Variants in TUSC3 observed in about 807,000 individuals in gnomAD.
TUSC3 encodes dolichyl-diphosphooligosaccharide--protein glycosyltransferase subunit TUSC3.
Under a neutral mutation model 44.8 loss-of-function variants are expected in TUSC3, and 45 were observed. The observed-to-expected ratio is 1.00, with a 90% CI of 0.79 to 1.29. TUSC3 has a LOEUF of 1.29. Among genes scored for constraint, TUSC3 ranks in the 50% most tolerant of loss-of-function variants. The pLI, the probability that TUSC3 is intolerant of heterozygous loss-of-function variation, is 0.00. For synonymous variants in TUSC3, 212 were observed against 152.9 expected (o/e 1.39, Z -2.85); for missense variants, 519 against 437.9 (o/e 1.19, Z -1.65).
intron 1 of TUSC3, among the ~76,000 whole-genome samples, chr8:15,438,731 A>C (rs1799982860): frequency 6.6e-6 from 1 of 152,186 alleles, no homozygotes; most frequent in South Asian, 2.1e-4. Context: ...ATAGGACTTC[A>C]TTTAGTGCAA....
the TUSC3 span, among the ~76,000 whole-genome samples, chr8:15,842,180 A>G: frequency 1.3e-5 from 2 of 152,204 alleles, no homozygotes; most frequent in African/African-American, 4.8e-5. Flanking sequence ...CAAAACAGAT[A>G]GAATCACTCC....
intron 6 of TUSC3, among the ~76,000 whole-genome samples, chr8:15,713,936 G>T (rs189977744): frequency 1.3e-5 from 2 of 152,090 alleles, no homozygotes; most frequent in African/African-American, 4.8e-5. Flanking sequence ...ATTCACAACC[G>T]TGGCCTCATT....
chr8:15,620,317 A>C (rs1028028053), intron 1 of TUSC3, among the ~76,000 whole-genome samples: 3 of 152,236 alleles, frequency 2.0e-5, no homozygotes, highest in Non-Finnish European at 4.4e-5. Context: ...GATTGATGCA[A>C]AATGATGGGA....
the TUSC3 span, among the ~76,000 whole-genome samples, chr8:15,846,628 G>A: frequency 5.2e-3 from 794 of 152,096 alleles, 2 homozygotes; most frequent in African/African-American, 0.018. Context: ...AACACCACAC[G>A]TTCTCACTCA....
intron 1 of TUSC3, among the ~76,000 whole-genome samples, chr8:15,552,391 C>G (rs1802088708): frequency 6.6e-6 from 1 of 151,666 alleles, no homozygotes; most frequent in African/African-American, 2.4e-5. Flanking sequence ...CGGATATATC[C>G]TACTGCTCAT....
chr8:15,740,681 A>T (rs1470994360), intron 7 of TUSC3, among the ~76,000 whole-genome samples: 2 of 152,186 alleles, frequency 1.3e-5, no homozygotes, highest in African/African-American at 4.8e-5. Context: ...GAAATGTAAG[A>T]AAACTTGAAC....
At chr8:15,653,918 G>A (rs933628494) in intron 3 of TUSC3, among the ~76,000 whole-genome samples, 9 of 152,112 alleles carry the variant, frequency 5.9e-5, no homozygotes, top group Non-Finnish European at 1.3e-4. Flanking sequence ...GCTTGTTGGG[G>A]ACTCACTGGG....
At chr8:15,737,819 G>T (rs1585285354) in intron 7 of TUSC3, among the ~76,000 whole-genome samples, 1 of 152,224 alleles carries the variant, frequency 6.6e-6, no homozygotes, top group East Asian at 1.9e-4. Flanking sequence ...TGCCACGTAA[G>T]AACAGTGAGA....
chr8:15,780,635 C>G, the TUSC3 span, among the ~76,000 whole-genome samples: 1 of 152,212 alleles, frequency 6.6e-6, no homozygotes, highest in Non-Finnish European at 1.5e-5. Flanking sequence ...ATGTGGCCAA[C>G]TAGCCTTAGA....
chr8:15,727,229 G>A (rs1810530995), intron 6 of TUSC3, among the ~76,000 whole-genome samples: 1 of 152,086 alleles, frequency 6.6e-6, no homozygotes, highest in African/African-American at 2.4e-5. Context: ...AGTCATTGCT[G>A]CAGGGGCCCC....
chr8:15,825,425 A>G, the TUSC3 span, among the ~76,000 whole-genome samples: 1 of 152,114 alleles, frequency 6.6e-6, no homozygotes, highest in African/African-American at 2.4e-5. Flanking sequence ...TATTTTTGTG[A>G]GACTTATTCA....
chr8:15,682,377 TA>T (rs1808462386), intron 6 of TUSC3, among the ~76,000 whole-genome samples: 1 of 152,220 alleles, frequency 6.6e-6, no homozygotes, highest in Non-Finnish European at 1.5e-5. Flanking sequence ...TTAAGATACT[TA>T]AGTCTTCTGG....
rs549386002 is a variant in TUSC3, at chr8:15,417,232, C to G, written n.18C>G. On this transcript the variant is annotated non_coding_transcript_exon_variant, in exon 1 of 6. Transcript: ENST00000503191. ...GGCTGTGTGAAGATCTGCCTCCTTCCTCTTCGGCTTCATGCATGATCGTAA... is the reference window on the plus strand; with the variant it reads ...GGCTGTGTGAAGATCTGCCTCCTTCGTCTTCGGCTTCATGCATGATCGTAA... 23 of 152,562 alleles carry G rather than the reference C, an allele frequency of 1.5e-4. No individual in the cohort carries two copies. The East Asian group carries it at 2.9e-3, about 19-fold the overall frequency. The allele number at this position is 152,562 out of a possible 1,614,324, so 9.5% of individuals were successfully genotyped here. A position where few individuals can be genotyped will look rare whatever the true frequency, so the allele number is the denominator to read the frequency against.
chr8:15,423,062 A>G (rs17121448), intron 1 of TUSC3, among the ~76,000 whole-genome samples: 27,596 of 152,186 alleles, frequency 0.18, 3,127 homozygotes, highest in African/African-American at 0.33. Context: ...AGAAATTTCT[A>G]TCAAAACATG....
At chr8:15,571,372 G>T (rs1217172780) in intron 1 of TUSC3, among the ~76,000 whole-genome samples, 4 of 152,124 alleles carry the variant, frequency 2.6e-5, no homozygotes, top group African/African-American at 7.2e-5. Flanking sequence ...TAAAGAGTTA[G>T]CAAGTTTTTT....
At chr8:15,489,147 G>T (rs1399388586) in intron 2 of TUSC3, among the ~76,000 whole-genome samples, 3 of 152,182 alleles carry the variant, frequency 2.0e-5, no homozygotes, top group Non-Finnish European at 4.4e-5. Flanking sequence ...ATTTTAGAGG[G>T]ACAGAAGCTC....
intron 10 of TUSC3, among the ~76,000 whole-genome samples, chr8:15,761,779 AGTT>A (rs1356269199): frequency 3.9e-5 from 6 of 152,160 alleles, no homozygotes; most frequent in African/African-American, 1.4e-4. Flanking sequence ...CATTATTGAC[AGTT>A]GTTTTTAAAA....
intron 1 of TUSC3, among the ~76,000 whole-genome samples, chr8:15,597,837 T>A (rs1278263068): frequency 6.6e-6 from 1 of 152,058 alleles, no homozygotes; most frequent in Admixed American, 6.6e-5. Flanking sequence ...GGCCTACATT[T>A]TTAAGGCATT....
At chr8:15,816,156 T>C in the TUSC3 span, among the ~76,000 whole-genome samples, 1 of 152,326 alleles carries the variant, frequency 6.6e-6, no homozygotes, top group East Asian at 1.9e-4. Context: ...GAGGGAGGTT[T>C]AGGAGCTTCT....
Sources: gnomAD v4.1 joint callset for allele counts (sites outside exome capture counted in the v4.1 genomes callset) on GRCh38, gnomAD v4.1.1 for gene constraint, MANE v1.5 for transcripts, NCBI Gene and HGNC (gene_info 2026-07-23, HGNC 2026-07-21) for gene names.